The following PITPNM2 variants were observed in gnomAD, a reference collection of about 807,000 sequenced individuals.
PITPNM2 encodes the protein phosphatidylinositol transfer protein membrane associated 2.
Under a neutral mutation model 132.2 loss-of-function variants are expected in PITPNM2, and 35 were observed. That is an observed-to-expected ratio of 0.26 (90% confidence interval 0.20 to 0.35). The LOEUF is 0.35. Among genes scored for constraint, PITPNM2 ranks in the 10% least tolerant of loss-of-function variants. The pLI, the probability that PITPNM2 is intolerant of heterozygous loss-of-function variation, is 1.00. For synonymous variants in PITPNM2, 738 were observed against 799.2 expected (o/e 0.92, Z 1.29); for missense variants, 1,332 against 1,912.0 (o/e 0.70, Z 5.66).
chr12:122,985,821 G>C lies in PITPNM2; in HGVS notation c.*206C>G. The C allele has an allele frequency of 2.2e-6, 1 of 461,430 alleles. No homozygotes were observed. Among genetic ancestry groups the C allele is most frequent in the Non-Finnish European group, 3.6e-6 (1 of 274,164 alleles). 28.6% of individuals were successfully genotyped at this position (461,430 alleles called of 1,614,324 possible). A position where few individuals can be genotyped will look rare whatever the true frequency, so the allele number is the denominator to read the frequency against. On this transcript the variant is annotated 3_prime_UTR_variant, in exon 26 of 26. Transcript: ENST00000320201. Reference sequence around the variant, plus strand: ...TGCCATCCTGGGGCTGGTGGTCCCTGCCAGCTTCCATGACAAGCCGGACCC... The same window carrying C: ...TGCCATCCTGGGGCTGGTGGTCCCTCCCAGCTTCCATGACAAGCCGGACCC...
chr12:123,104,842 T>C (rs974553206), intron 2 of PITPNM2, among the ~76,000 whole-genome samples: 1 of 152,078 alleles, frequency 6.6e-6, no homozygotes, highest in South Asian at 2.1e-4. Flanking sequence ...CCCAGCTTCC[T>C]CCCTTCCTCC....
intron 6 of PITPNM2, among the ~76,000 whole-genome samples, chr12:123,007,885 G>A (rs2039009303): frequency 6.6e-6 from 1 of 152,046 alleles, no homozygotes; most frequent in East Asian, 1.9e-4. Flanking sequence ...CCTCCTCAAG[G>A]CCCCCAAGAA....
chr12:123,027,144 G>T (rs925542336), intron 3 of PITPNM2, among the ~76,000 whole-genome samples: 1 of 151,894 alleles, frequency 6.6e-6, no homozygotes, highest in African/African-American at 2.4e-5. Context: ...TCTCTCGGTG[G>T]GGCAGGTGGA....
chr12:123,148,008 A>C (rs1050349045), intron 1 of PITPNM2, among the ~76,000 whole-genome samples: 1 of 152,186 alleles, frequency 6.6e-6, no homozygotes, highest in Non-Finnish European at 1.5e-5. Context: ...CCTAAATTCT[A>C]AAAGAAAATT....
Position 123,077,962 on chromosome 12 carries a change from C to T in PITPNM2, c.-96+32423G>A, listed in dbSNP as rs867301575. Among the ~76,000 whole-genome samples the T allele has an allele frequency of 2.6e-5, 4 of 152,288 alleles. No homozygotes were observed. The South Asian group carries it at 6.2e-4, about 24-fold the overall frequency. On this transcript the variant is annotated intron_variant, in intron 2 of 25. Coordinates refer to ENST00000320201, the MANE Select transcript of PITPNM2 (RefSeq NM_020845.3). The surrounding 1 kb of genome is among the most constrained non-coding windows in gnomAD (Gnocchi z 4.8). ...AGGGGGCCGCCCCCAGCACGCAGCT[C>T]TCCCAGCAGCCCATGCCTGGAGACA...
upstream of PITPNM2, among the ~76,000 whole-genome samples, chr12:123,151,150 G>A (rs1163736712): frequency 6.8e-6 from 1 of 146,130 alleles, no homozygotes. Flanking sequence ...TCCTCAGGCC[G>A]CGCGGGGGAG....
At chr12:123,139,216 G>A (rs113173910) in intron 1 of PITPNM2, among the ~76,000 whole-genome samples, 16,612 of 149,330 alleles carry the variant, frequency 0.11, 1,185 homozygotes, top group Non-Finnish European at 0.16. Flanking sequence ...ACAGACAATC[G>A]TTGGCCAGGC....
intron 2 of PITPNM2, chr12:123,081,088 G>C (rs756334153): frequency 6.6e-6 from 1 of 152,242 alleles, no homozygotes; most frequent in African/African-American, 2.4e-5. Flanking sequence ...GTAAAAGGAC[G>C]CATGGTCCAG....
chr12:123,049,539 C>A (rs999975779), intron 2 of PITPNM2, among the ~76,000 whole-genome samples: 1 of 152,168 alleles, frequency 6.6e-6, no homozygotes, highest in African/African-American at 2.4e-5. Context: ...ATTCCCCAGG[C>A]CAGGGAACAG....
At position 123,111,828 on chromosome 12, in the gene PITPNM2, G is replaced by A. The variant is rs890164213; in HGVS notation, c.-199-1340C>T. Among the ~76,000 whole-genome samples the A allele has an allele frequency of 1.3e-5, 2 of 152,240 alleles. No homozygotes were observed. The highest frequency in any genetic ancestry group is 2.9e-5 in the Non-Finnish European group (2 of 68,040). On this transcript the variant is annotated intron_variant, in intron 1 of 25. Coordinates refer to ENST00000320201, the MANE Select transcript of PITPNM2 (RefSeq NM_020845.3). The surrounding 1 kb of genome is among the most constrained non-coding windows in gnomAD (Gnocchi z 4.1). ...AGGTCCCAGCCCTCCCAGTGACCAT[G>A]AGCAAGCTGGCCTTCCAGCCTTGCC...
rs919241804 is a variant in PITPNM2 at position 123,004,831 on chromosome 12, C to T, written c.953-342G>A. Among the ~76,000 whole-genome samples the T allele has an allele frequency of 5.3e-5, 8 of 152,212 alleles. No homozygotes were observed. The highest frequency in any genetic ancestry group is 1.9e-4 in the African/African-American group (8 of 41,444). ...CAAGAGCAAACTCCTGAAATTTGGC[C>T]ACAGCAGGGCCCAGGCGGGAGATGA... On this transcript the variant is annotated intron_variant, in intron 7 of 25. Transcript: ENST00000320201. The surrounding 1 kb of genome is among the most constrained non-coding windows in gnomAD (Gnocchi z 4.9).
At chr12:123,089,920 G>C (rs1204634836) in intron 2 of PITPNM2, 2 of 152,264 alleles carry the variant, frequency 1.3e-5, no homozygotes, top group Non-Finnish European at 2.9e-5. Context: ...TAGAGAGACA[G>C]TGAGCTTTGC....
At chr12:123,065,459 C>T (rs2041381543) in intron 2 of PITPNM2, among the ~76,000 whole-genome samples, 1 of 152,204 alleles carries the variant, frequency 6.6e-6, no homozygotes, top group Non-Finnish European at 1.5e-5. Context: ...GCAGGAGAGG[C>T]AGGAGGATGC....
At position 122,997,178 on chromosome 12, in the gene PITPNM2, G is replaced by A. The variant is rs982361950; in HGVS notation, c.1472+147C>T. 471 of 1,259,366 alleles carry A rather than the reference G, an allele frequency of 3.7e-4. 2 individuals carry two copies. The highest frequency in any genetic ancestry group is 4.3e-4 in the Non-Finnish European group (397 of 915,734). 78.0% of individuals were successfully genotyped at this position (1,259,366 alleles called of 1,614,324 possible). A position where few individuals can be genotyped will look rare whatever the true frequency, so the allele number is the denominator to read the frequency against. ...CTCGAGGCTTAGCCTGCGTGTATAC[G>A]TTTGGGCACCTCCAGGTAGAAGGGG... On this transcript the variant is annotated intron_variant, in intron 11 of 25. Transcript: ENST00000320201.
intron 2 of PITPNM2, among the ~76,000 whole-genome samples, chr12:123,053,167 A>G (rs2040917182): frequency 6.6e-6 from 1 of 151,844 alleles, no homozygotes; most frequent in South Asian, 2.1e-4. Flanking sequence ...TTACAGGTGT[A>G]AGCCACCTTG....
At chr12:123,133,731 A>T (rs545703291) in intron 1 of PITPNM2, among the ~76,000 whole-genome samples, 1 of 152,254 alleles carries the variant, frequency 6.6e-6, no homozygotes, top group South Asian at 2.1e-4. Context: ...AACATGAGGA[A>T]TGTGGAAAAA....
chr12:123,115,602 A>G lies in PITPNM2; in HGVS notation c.-199-5114T>C, dbSNP rs1401258164. On this transcript the variant is annotated intron_variant, in intron 1 of 25. Coordinates refer to ENST00000320201, the MANE Select transcript of PITPNM2 (RefSeq NM_020845.3). ...ACACATACACACACGCATAACAAAG[A>G]GGAGAAATTCTTAGCCTGCAGCAGT... 2.6e-5 allele frequency among the ~76,000 whole-genome samples: 4 copies of G among 152,192 alleles called. No homozygotes were observed. In the East Asian group the frequency reaches 7.7e-4, roughly 29 times the overall value.
rs751016469 is a variant in PITPNM2, at chr12:123,005,302, C to T, written c.890G>A (p.Gly297Glu). The part of the protein sequence containing the change: ...PSSSNGEPLV[G>E]RGLKKQWSTS... Reference sequence around the variant, plus strand: ...GGACCACTGTTTCTTGAGGCCGCGCCCCACTAGGGGCTCCCCATTGCTGCT... The same window carrying T: ...GGACCACTGTTTCTTGAGGCCGCGCTCCACTAGGGGCTCCCCATTGCTGCT... The change falls in exon 7 of 26, where the codon GGG becomes GAG. Residue 297 changes from glycine to glutamate, a missense_variant. Coordinates refer to ENST00000320201, the MANE Select transcript of PITPNM2 (RefSeq NM_020845.3). The surrounding 1 kb of genome is among the most constrained non-coding windows in gnomAD (Gnocchi z 6.2). The T allele has an allele frequency of 7.4e-6, 12 of 1,613,894 alleles. No individual in the cohort carries two copies. In the South Asian group the frequency reaches 1.2e-4, roughly 16 times the overall value.
intron 18 of PITPNM2, 125 bp downstream of exon 18, chr12:122,989,662 C>T: frequency 2.1e-6 from 2 of 967,386 alleles, no homozygotes; most frequent in Non-Finnish European, 2.8e-6. Flanking sequence ...ATGGCCAAGT[C>T]CTCCCAGCCC....
Sources: gnomAD v4.1 joint callset for allele counts (sites outside exome capture counted in the v4.1 genomes callset) on GRCh38, gnomAD v4.1.1 for gene constraint, Gnocchi (gnomAD v3.1) non-coding constraint, MANE v1.5 for transcripts, NCBI Gene and HGNC (gene_info 2026-07-23, HGNC 2026-07-21) for gene names.